The following NRL variants were observed in gnomAD, a reference collection of about 807,000 sequenced individuals.
NRL encodes neural retina leucine zipper.
In NRL, 16 loss-of-function variants were observed where a neutral mutation model predicts 12.5. That is an observed-to-expected ratio of 1.28 (90% confidence interval 0.87 to 1.95). NRL has a LOEUF of 1.95. NRL is among the 30% of genes most tolerant of loss of function. The pLI is 0.00. For missense variants in NRL, 314 were observed against 325.8 expected (o/e 0.96, Z 0.28); for synonymous variants, 142 against 150.9 (o/e 0.94, Z 0.43).
intron 1 of NRL, among the ~76,000 whole-genome samples, chr14:24,111,689 G>T (rs1345741978): frequency 2.0e-5 from 3 of 152,076 alleles, no homozygotes; most frequent in Non-Finnish European, 4.4e-5. Flanking sequence ...AAATGATTCC[G>T]TCCTGAGACT....
intron 1 of NRL, among the ~76,000 whole-genome samples, chr14:24,101,455 T>A (rs1476375336): frequency 6.6e-6 from 1 of 152,174 alleles, no homozygotes; most frequent in Admixed American, 6.5e-5. Flanking sequence ...GCTTCATACA[T>A]GTGCCACTGA....
chr14:24,114,233 G>A (rs1222196159), intron 1 of NRL: 1 of 152,294 alleles, frequency 6.6e-6, no homozygotes, highest in Admixed American at 6.5e-5. Flanking sequence ...CAAAGACCGC[G>A]GCGGAAAGCC....
chr14:24,083,080 A>C (rs113483349), intron 1 of NRL, among the ~76,000 whole-genome samples: 2,473 of 152,330 alleles, frequency 0.016, 64 homozygotes, highest in African/African-American at 0.055. Context: ...GGGGACAAGC[A>C]GCTGAATTCC....
At position 24,082,534 on chromosome 14, in the gene NRL, G is replaced by A. The variant is rs199922429; in HGVS notation, c.315C>T (p.Val105=). 6.9e-5 allele frequency: 111 copies of A among 1,613,324 alleles called. No individual in the cohort carries two copies. The highest frequency in any genetic ancestry group is 9.0e-5 in the Non-Finnish European group (106 of 1,180,036). ...AMELLQGQGP[V]PVDGPHGYYP... is the part of the protein sequence containing the mutation. ...AGTAGCCATGGGGCCCATCAACAGG[G>A]ACTGGGCCCTGACCCTGCAGCAGCT... The change falls in exon 2 of 3, where the codon GTC becomes GTT. Residue 105 remains valine (V), a synonymous_variant. Transcript: ENST00000561028.
At chr14:24,103,540 T>C (rs756429293) in intron 1 of NRL, 27 of 1,563,468 alleles carry the variant, frequency 1.7e-5, no homozygotes, top group Non-Finnish European at 2.2e-5. Flanking sequence ...CCATTTGCCA[T>C]GCGGCCCTTT....
intron 1 of NRL, among the ~76,000 whole-genome samples, chr14:24,111,537 CTT>C (rs552190577): frequency 5.6e-5 from 8 of 143,280 alleles, no homozygotes; most frequent in Admixed American, 1.4e-4. Context: ...CCACACTCGG[CTT>C]TTTTTTTTTT....
intron 1 of NRL, chr14:24,110,346 C>T (rs996048571): frequency 1.8e-5 from 7 of 392,856 alleles, no homozygotes; most frequent in East Asian, 1.0e-4. Flanking sequence ...TGTGGTCAAG[C>T]GAGCTGCCCG....
intron 2 of NRL, chr14:24,082,099 A>G (rs1266694337): frequency 7.3e-5 from 89 of 1,225,496 alleles, no homozygotes; most frequent in East Asian, 1.4e-4. Flanking sequence ...GAAAAGGCCA[A>G]TCTAAACCAG....
In NRL at chr14:24,094,806, C is replaced by T. The variant is rs1447632245; in HGVS notation, c.-27-11931G>A. The T allele has an allele frequency of 7.4e-7, 1 of 1,349,412 alleles. No homozygotes were observed. The highest frequency in any genetic ancestry group is 1.2e-5 in the South Asian group (1 of 81,516). 83.6% of individuals were successfully genotyped at this position (1,349,412 alleles called of 1,614,324 possible). On this transcript the variant is annotated intron_variant, in intron 1 of 2. Coordinates refer to ENST00000561028, the MANE Select transcript of NRL (RefSeq NM_001354768.3). This position sits in a 1 kb window ranked among gnomAD's most constrained non-coding sequence, Gnocchi z 4.1. ...CTCTAACGGGCTCTCAGCCAGCGCC[C>T]CAGGGTACTTCGAGAGGCAGCAGGG...
intron 1 of NRL, chr14:24,103,439 A>G: frequency 7.4e-6 from 10 of 1,358,176 alleles, no homozygotes; most frequent in Non-Finnish European, 9.2e-6. Flanking sequence ...GCTTCCTCCA[A>G]CTGGATGCAG....
rs1419455658 is a variant in NRL, at chr14:24,078,784, C to T, written c.*2452G>A. On this transcript the variant is annotated 3_prime_UTR_variant, in exon 3 of 3. Coordinates refer to ENST00000561028, the MANE Select transcript of NRL (RefSeq NM_001354768.3). ...AATCAAGTGAGGCTTGATTTTAACCCACCCATGGTCAAAAAACTGGTAGAA... is the reference window on the plus strand; with the variant it reads ...AATCAAGTGAGGCTTGATTTTAACCTACCCATGGTCAAAAAACTGGTAGAA... 6.6e-6 allele frequency among the ~76,000 whole-genome samples: 1 copy of T among 152,086 alleles called. No homozygotes were observed. Among genetic ancestry groups the T allele is most frequent in the African/African-American group, 2.4e-5 (1 of 41,402 alleles).
chr14:24,113,909 A>AC (rs2037471315), intron 1 of NRL, among the ~76,000 whole-genome samples: 1 of 152,214 alleles, frequency 6.6e-6, no homozygotes, highest in Non-Finnish European at 1.5e-5. Context: ...TTCAGCTCGG[A>AC]CCCTGAGCCT....
At chr14:24,090,897 C>G (rs910686454) in intron 1 of NRL, among the ~76,000 whole-genome samples, 6 of 152,296 alleles carry the variant, frequency 3.9e-5, no homozygotes, top group Admixed American at 3.3e-4. Flanking sequence ...ACGTGGCACT[C>G]ATTCATTCTT....
At chr14:24,105,295 G>A (rs563878915) in intron 1 of NRL, among the ~76,000 whole-genome samples, 11 of 152,306 alleles carry the variant, frequency 7.2e-5, no homozygotes, top group East Asian at 3.9e-4. Context: ...CCCTCATTCC[G>A]GTGAACCCAC....
chr14:24,094,485 C>T lies in NRL; in HGVS notation c.-27-11610G>A, dbSNP rs1203166737. ...ACCCGCACCTTCCGCTGCGCTCGCCCCCTCGGGGCTGCCAGTGGCGCTCTC... is the reference window on the plus strand; with the variant it reads ...ACCCGCACCTTCCGCTGCGCTCGCCTCCTCGGGGCTGCCAGTGGCGCTCTC... On this transcript the variant is annotated intron_variant, in intron 1 of 2. Transcript: ENST00000561028. This position sits in a 1 kb window ranked among gnomAD's most constrained non-coding sequence, Gnocchi z 4.1. 6 of 1,485,486 alleles carry T rather than the reference C, an allele frequency of 4.0e-6. No individual in the cohort carries two copies. The highest frequency in any genetic ancestry group is 2.5e-5 in the East Asian group (1 of 39,442). 92.0% of individuals were successfully genotyped at this position (1,485,486 alleles called of 1,614,324 possible).
chr14:24,082,435 G>A lies in NRL; in HGVS notation c.381+33C>T, dbSNP rs201500706. Reference sequence around the variant, plus strand: ...TTGGGCAGTCCTCCTTCCTTGCCCTGCCTCCCCTCAGGCCAGCTTGCTGAC... The same window carrying A: ...TTGGGCAGTCCTCCTTCCTTGCCCTACCTCCCCTCAGGCCAGCTTGCTGAC... On this transcript the variant is annotated intron_variant, in intron 2 of 2. Coordinates refer to ENST00000561028, the MANE Select transcript of NRL (RefSeq NM_001354768.3). The A allele has an allele frequency of 1.5e-5, 24 of 1,611,402 alleles. No individual in the cohort carries two copies. In the Admixed American group the frequency reaches 1.7e-4, roughly 11 times the overall value.
intron 1 of NRL, chr14:24,103,970 G>T: frequency 6.2e-7 from 1 of 1,609,144 alleles, no homozygotes; most frequent in East Asian, 2.2e-5. Flanking sequence ...TGTGACCTGA[G>T]GCCCTAGTCT....
chr14:24,088,961 T>C (rs2036541223), intron 1 of NRL, among the ~76,000 whole-genome samples: 1 of 152,022 alleles, frequency 6.6e-6, no homozygotes, highest in East Asian at 1.9e-4. Flanking sequence ...CCACCATGCC[T>C]GGCTAATTTT....
rs181432822 is a variant in NRL, at chr14:24,083,589, A to T, written c.-27-714T>A. Among the ~76,000 whole-genome samples the T allele has an allele frequency of 4.0e-3, 609 of 152,290 alleles. 10 individuals carry two copies. Among genetic ancestry groups the T allele is most frequent in the Non-Finnish European group, 2.2e-3 (148 of 68,024 alleles). ...CAAGATTGATTTTCCTTCTATTCAG[A>T]ACTTGTTACGTTGTGTGAACTTGGC... On this transcript the variant is annotated intron_variant, in intron 1 of 2. Transcript: ENST00000561028.
Sources: allele counts gnomAD v4.1 joint callset (sites outside exome capture counted in the v4.1 genomes callset), GRCh38; gene constraint gnomAD v4.1.1; non-coding constraint Gnocchi (gnomAD v3.1); transcripts MANE v1.5; gene names NCBI Gene and HGNC (gene_info 2026-07-23, HGNC 2026-07-21).